CASS4: variants seen among roughly 807,000 people sequenced by gnomAD.
CASS4 encodes Cas scaffold protein family member 4.
In CASS4, 22 loss-of-function variants were observed where a neutral mutation model predicts 54.2. The ratio of observed to expected loss-of-function variants is 0.41; its 90% CI spans 0.29 to 0.58. The LOEUF is 0.58. CASS4 is among the 20% of genes least tolerant of loss of function. The pLI, the probability that CASS4 is intolerant of heterozygous loss-of-function variation, is 0.36. For missense variants in CASS4, 854 were observed against 986.7 expected, an observed-to-expected ratio of 0.87 and a Z score of 1.80; for synonymous variants, 409 against 391.5, an observed-to-expected ratio of 1.04 and a Z score of -0.53.
At position 56,437,216 on chromosome 20, in the gene CASS4, T is replaced by C. The variant is rs1980217852; in HGVS notation, c.89T>C (p.Leu30Pro). The C allele has an allele frequency of 6.2e-7, 1 of 1,605,414 alleles. No individual in the cohort carries two copies. The highest frequency in any genetic ancestry group is 8.5e-7 in the Non-Finnish European group (1 of 1,174,726). ...YDNCPDCSDE[L>P]AFSRGDILTI... The stretch of plus-strand genomic sequence containing the variant: ...AACTGCCCTGACTGCTCTGACGAGC[T>C]GGCTTTCAGCAGAGGGGACATCCTG... Residue 30 changes from leucine to proline, a missense_variant, in exon 2 of 6, where the codon CTG becomes CCG. Coordinates refer to ENST00000679887, the MANE Select transcript of CASS4 (RefSeq NM_020356.4). The surrounding 1 kb of genome is among the most constrained non-coding windows in gnomAD (Gnocchi z 4.7).
intron 5 of CASS4, among the ~76,000 whole-genome samples, chr20:56,454,071 C>T (rs1388268484): frequency 3.9e-5 from 6 of 152,022 alleles, no homozygotes; most frequent in Non-Finnish European, 8.8e-5. Context: ...ATTCCAGCTA[C>T]TCAGGAGGCT....
At chr20:56,441,274 G>A (rs868743741) in intron 2 of CASS4, among the ~76,000 whole-genome samples, 11 of 151,620 alleles carry the variant, frequency 7.3e-5, no homozygotes, top group African/African-American at 1.9e-4. Flanking sequence ...GATTACAGGC[G>A]TGAGCTACTG....
chr20:56,442,030 C>T (rs549096188), intron 2 of CASS4, among the ~76,000 whole-genome samples: 6 of 149,104 alleles, frequency 4.0e-5, no homozygotes, highest in Admixed American at 1.3e-4. Flanking sequence ...CAAATGGAAG[C>T]GGCTGTTGGT....
intron 1 of CASS4, among the ~76,000 whole-genome samples, chr20:56,429,664 C>T (rs1979812602): frequency 6.6e-6 from 1 of 152,072 alleles, no homozygotes; most frequent in South Asian, 2.1e-4. Context: ...GCACTCCGGC[C>T]TCCACACATT....
chr20:56,458,869 G>A lies in CASS4; in HGVS notation c.*122G>A. ...ACCAATGAGCTGAAACAGACCTGGT[G>A]CCCAAAGCTGGTAGTACCAAGTGGC... is the stretch of plus-strand genomic sequence containing the variant. On this transcript the variant is annotated 3_prime_UTR_variant, in exon 6 of 6. Transcript: ENST00000679887. 1.9e-6 allele frequency: 2 copies of A among 1,046,884 alleles called. No homozygotes were observed. The highest frequency in any genetic ancestry group is 2.7e-6 in the Non-Finnish European group (2 of 738,122). The allele number at this position is 1,046,884 out of a possible 1,614,324, so 64.8% of individuals were successfully genotyped here.
chr20:56,458,444 C>T lies in CASS4; in HGVS notation c.2058C>T (p.Ala686=), dbSNP rs1314405110. The change falls in exon 6 of 6, where the codon GCC becomes GCT. Residue 686 remains alanine, a synonymous_variant. Transcript: ENST00000679887. The part of the protein sequence containing the change: ...CRLYFGALFK[A]ISAFHGSLSS... Reference sequence around the variant, plus strand: ...TCTACTTTGGGGCGCTCTTCAAAGCCATCAGCGCATTTCACGGCAGCCTCA... The same window carrying T: ...TCTACTTTGGGGCGCTCTTCAAAGCTATCAGCGCATTTCACGGCAGCCTCA... 1.2e-6 allele frequency: 2 copies of T among 1,614,212 alleles called. No homozygotes were observed. Among genetic ancestry groups the T allele is most frequent in the Non-Finnish European group, 1.7e-6 (2 of 1,180,050 alleles).
rs201516954 is a variant in CASS4, at chr20:56,437,529, C to A, written c.402C>A (p.Pro134=). ...CTACTGCCCAAGTCTATGAATTCCC[C>A]GACCCTCCCACCAGTGCCAGAATCA... is the stretch of plus-strand genomic sequence containing the variant. ...QPPTAQVYEF[P]DPPTSARIIC... Residue 134 remains proline, a synonymous_variant, in exon 2 of 6, where the codon CCC becomes CCA. Transcript: ENST00000679887. The surrounding 1 kb of genome is among the most constrained non-coding windows in gnomAD (Gnocchi z 4.7). The A allele has an allele frequency of 1.6e-5, 26 of 1,578,604 alleles. No homozygotes were observed. The highest frequency in any genetic ancestry group is 2.1e-5 in the Non-Finnish European group (25 of 1,162,976).
chr20:56,450,163 C>A (rs1980926329), intron 3 of CASS4, among the ~76,000 whole-genome samples: 1 of 151,976 alleles, frequency 6.6e-6, no homozygotes, highest in Non-Finnish European at 1.5e-5. Context: ...TCCCGAGTAG[C>A]TGGGATTACA....
At chr20:56,432,896 A>AG (rs113541737) in intron 1 of CASS4, among the ~76,000 whole-genome samples, 38,090 of 151,880 alleles carry the variant, frequency 0.25, 7,586 homozygotes, top group African/African-American at 0.55. Flanking sequence ...AAGTGTGGGC[A>AG]GGGGCGTCAC....
In CASS4 at chr20:56,424,836, G is replaced by T. The variant is rs114783957; in HGVS notation, c.37-12328G>T. On this transcript the variant is annotated intron_variant, in intron 1 of 5. Transcript: ENST00000679887. ...AGGGACAAAGAGAAGACAGGAATGAGCTGGCAAAAATGGAGGGAGGAAGGG... is the reference window on the plus strand; with the variant it reads ...AGGGACAAAGAGAAGACAGGAATGATCTGGCAAAAATGGAGGGAGGAAGGG... 2.0e-3 allele frequency among the ~76,000 whole-genome samples: 309 copies of T among 151,992 alleles called. 1 individual carries two copies. The highest frequency in any genetic ancestry group is 7.2e-3 in the African/African-American group (297 of 41,422).
chr20:56,448,370 G>A (rs1294245901), intron 3 of CASS4, among the ~76,000 whole-genome samples: 1 of 152,088 alleles, frequency 6.6e-6, no homozygotes, highest in Non-Finnish European at 1.5e-5. Context: ...CAAGGCAACT[G>A]CTTTGCTCTC....
rs1600738170 is a variant in CASS4 at position 56,412,427 on chromosome 20, A to G, written c.-32A>G. The G allele has an allele frequency of 6.2e-7, 1 of 1,610,726 alleles. No homozygotes were observed. The highest frequency in any genetic ancestry group is 8.5e-7 in the Non-Finnish European group (1 of 1,178,338). ...CTCTGAAGCTGGAGATACTAGCTGC[A>G]GAGCTCAGGGGAGCTGCTCCACATC... On this transcript the variant is annotated 5_prime_UTR_variant, in exon 1 of 6. Coordinates refer to ENST00000679887, the MANE Select transcript of CASS4 (RefSeq NM_020356.4). The surrounding 1 kb of genome is among the most constrained non-coding windows in gnomAD (Gnocchi z 4.2).
In CASS4 at chr20:56,437,109, C is replaced by T. The variant is rs1291994682; in HGVS notation, c.37-55C>T. On this transcript the variant is annotated intron_variant, in intron 1 of 5. Coordinates refer to ENST00000679887, the MANE Select transcript of CASS4 (RefSeq NM_020356.4). The surrounding 1 kb of genome is among the most constrained non-coding windows in gnomAD (Gnocchi z 4.7). ...TTCTAAGAGAGTGGGATTGGAGTAG[C>T]AGTCACTGGCCACGGTGCTAACTGC... 29 of 1,418,862 alleles carry T rather than the reference C, an allele frequency of 2.0e-5. No individual in the cohort carries two copies. The Admixed American group carries it at 6.4e-4, about 31-fold the overall frequency. The allele number at this position is 1,418,862 out of a possible 1,614,324, so 87.9% of individuals were successfully genotyped here.
Position 56,416,054 on chromosome 20 carries a change from T to C in CASS4, c.36+3560T>C, listed in dbSNP as rs78255458. On this transcript the variant is annotated intron_variant, in intron 1 of 5. Coordinates refer to ENST00000679887, the MANE Select transcript of CASS4 (RefSeq NM_020356.4). ...TCAAGAAATACTAGAAATTTAGTTT[T>C]CGTGGGTTTTTTTGAGGTGGAGTTT... Among the ~76,000 whole-genome samples the C allele has an allele frequency of 4.9e-3, 740 of 152,284 alleles. 6 individuals are homozygous for C. Among genetic ancestry groups the C allele is most frequent in the African/African-American group, 0.017 (708 of 41,564 alleles).
chr20:56,450,031 C>CTTT (rs112371637), intron 3 of CASS4, among the ~76,000 whole-genome samples: 1 of 145,672 alleles, frequency 6.9e-6, no homozygotes, highest in Non-Finnish European at 1.5e-5. Context: ...GTTGAGAGGT[C>CTTT]TTTTTTTTTT....
At chr20:56,422,116 T>C (rs954394332) in intron 1 of CASS4, among the ~76,000 whole-genome samples, 10 of 152,234 alleles carry the variant, frequency 6.6e-5, no homozygotes, top group Non-Finnish European at 1.0e-4. Context: ...TGTCAGCCCC[T>C]TGACTTGATC....
At chr20:56,446,099 G>A in intron 3 of CASS4, 98 bp downstream of exon 3, 1 of 751,926 alleles carries the variant, frequency 1.3e-6, no homozygotes, top group Non-Finnish European at 2.2e-6. Context: ...CATTACCATG[G>A]CGGCCAGGGG....
At chr20:56,418,904 T>G (rs1979275534) in intron 1 of CASS4, among the ~76,000 whole-genome samples, 1 of 152,178 alleles carries the variant, frequency 6.6e-6, no homozygotes, top group Non-Finnish European at 1.5e-5. Flanking sequence ...AGTAAATAAT[T>G]ATTATGACTA....
At chr20:56,436,279 A>T (rs1338976871) in intron 1 of CASS4, among the ~76,000 whole-genome samples, 1 of 151,856 alleles carries the variant, frequency 6.6e-6, no homozygotes, top group African/African-American at 2.4e-5. Flanking sequence ...GCACCTGTAC[A>T]TGACAGAGAG....
Sources: gnomAD v4.1 joint callset for allele counts (sites outside exome capture counted in the v4.1 genomes callset) on GRCh38, gnomAD v4.1.1 for gene constraint, Gnocchi (gnomAD v3.1) non-coding constraint, MANE v1.5 for transcripts, NCBI Gene and HGNC (gene_info 2026-07-23, HGNC 2026-07-21) for gene names.